The following CORO1C variants were observed in gnomAD, a reference collection of about 807,000 sequenced individuals.
CORO1C encodes the protein coronin 1C.
Under a neutral mutation model 51.2 loss-of-function variants are expected in CORO1C, and 14 were observed. The ratio of observed to expected loss-of-function variants is 0.27; its 90% CI spans 0.18 to 0.43. The LOEUF is 0.43. Ranked by LOEUF, CORO1C falls within the 20% of genes least tolerant of loss-of-function variation. The pLI, the probability that CORO1C is intolerant of heterozygous loss-of-function variation, is 1.00. For synonymous variants in CORO1C, 181 were observed against 210.5 expected (o/e 0.86, Z 1.21); for missense variants, 417 against 607.8 (o/e 0.69, Z 3.30).
At chr12:108,710,075 T>C (rs368607467) in intron 1 of CORO1C, among the ~76,000 whole-genome samples, 1 of 152,240 alleles carries the variant, frequency 6.6e-6, no homozygotes, top group African/African-American at 2.4e-5. Flanking sequence ...CTTACTTGTC[T>C]TTTTAAGATG....
rs75792705 is a variant in CORO1C, at chr12:108,709,637, C to A, written c.-5-8314G>T. Among the ~76,000 whole-genome samples the A allele has an allele frequency of 5.7e-3, 874 of 152,156 alleles. 13 individuals are homozygous for A. Among genetic ancestry groups the A allele is most frequent in the African/African-American group, 0.02 (826 of 41,508 alleles). ...GGAGTTCTGTTATCAGCTATATTGT[C>A]CCAAACTGATCAAATCATAAATTAG... is the stretch of plus-strand genomic sequence containing the variant. On this transcript the variant is annotated intron_variant, in intron 1 of 10. Transcript: ENST00000261401.
At chr12:108,678,101 G>A (rs921012924) in intron 3 of CORO1C, among the ~76,000 whole-genome samples, 171 bp downstream of exon 3, 2 of 152,116 alleles carry the variant, frequency 1.3e-5, no homozygotes, top group Non-Finnish European at 2.9e-5. Context: ...AGGATTATCT[G>A]TAATTAAACT....
chr12:108,726,807 G>A (rs558071395), intron 1 of CORO1C, among the ~76,000 whole-genome samples: 9 of 152,244 alleles, frequency 5.9e-5, no homozygotes, highest in African/African-American at 1.9e-4. Flanking sequence ...AATCGTGTTC[G>A]CTGGCCATCT....
At chr12:108,709,559 T>C (rs565542536) in intron 1 of CORO1C, among the ~76,000 whole-genome samples, 1 of 152,314 alleles carries the variant, frequency 6.6e-6, no homozygotes, top group South Asian at 2.1e-4. Context: ...TTTACCACTT[T>C]AAAAACTGTT....
chr12:108,693,379 C>A (rs1011880524), intron 2 of CORO1C, among the ~76,000 whole-genome samples: 29 of 152,252 alleles, frequency 1.9e-4, no homozygotes, highest in African/African-American at 6.3e-4. Context: ...AGTCTCATTT[C>A]CATCAACGTG....
intron 1 of CORO1C, among the ~76,000 whole-genome samples, chr12:108,712,912 T>TA (rs2035223975): frequency 1.7e-5 from 1 of 58,264 alleles, no homozygotes; most frequent in South Asian, 7.5e-4. Context: ...TCATGTCTCT[T>TA]TAAAAAAAAA....
Position 108,678,308 on chromosome 12 carries a change from C to G in CORO1C, c.282G>C (p.Gln94His). The G allele has an allele frequency of 6.2e-7, 1 of 1,613,398 alleles. No homozygotes were observed. Among genetic ancestry groups the G allele is most frequent in the South Asian group, 1.1e-5 (1 of 90,948 alleles). ...AGTCCTCTGAACCGCTGGCAATGAC[C>G]TGATCGTTATGTGGGCACCAGTCTA... Reference protein sequence around the residue: ...LDIDWCPHNDQVIASGSEDCT... With the variant: ...LDIDWCPHNDHVIASGSEDCT... The change falls in exon 3 of 11, where the codon CAG becomes CAC. Residue 94 changes from glutamine to histidine, a missense_variant. Gln to His is a conservative substitution (Grantham distance 24). Coordinates refer to ENST00000261401, the MANE Select transcript of CORO1C (RefSeq NM_014325.4).
intron 2 of CORO1C, among the ~76,000 whole-genome samples, chr12:108,692,989 G>A (rs1049004543): frequency 2.0e-5 from 3 of 151,758 alleles, no homozygotes; most frequent in African/African-American, 7.3e-5. Flanking sequence ...GTAGAGACAG[G>A]GTTTCACCAT....
intron 1 of CORO1C, chr12:108,702,843 T>G (rs2034917117): frequency 6.5e-7 from 1 of 1,535,394 alleles, no homozygotes; most frequent in South Asian, 1.2e-5. Context: ...GCTGGGGGCA[T>G]GTAGCCGGGC....
intron 3 of CORO1C, chr12:108,668,313 T>C (rs1459844487): frequency 6.6e-6 from 1 of 152,124 alleles, no homozygotes; most frequent in African/African-American, 2.4e-5. Flanking sequence ...TCTGCCAGGG[T>C]TATAATATCC....
intron 7 of CORO1C, chr12:108,653,197 A>G (rs1304497683): frequency 6.6e-6 from 1 of 152,230 alleles, no homozygotes; most frequent in Non-Finnish European, 1.5e-5. Flanking sequence ...GCAATGGAAA[A>G]GAAGCTAAAC....
intron 1 of CORO1C, among the ~76,000 whole-genome samples, chr12:108,720,207 C>T (rs746775572): frequency 1.6e-4 from 24 of 152,164 alleles, no homozygotes; most frequent in Middle Eastern, 6.8e-3. Context: ...CAGACACACA[C>T]ACACGCACAC....
At chr12:108,730,341 C>A in intron 1 of CORO1C, 1 of 152,322 alleles carries the variant, frequency 6.6e-6, no homozygotes. Flanking sequence ...TGAACACTCC[C>A]AAAAAAGGAT....
In CORO1C at chr12:108,658,834, G is replaced by A. The variant is rs148246664; in HGVS notation, c.534C>T (p.Tyr178=). The A allele has an allele frequency of 1.2e-6, 2 of 1,613,940 alleles. No individual in the cohort carries two copies. Among genetic ancestry groups the A allele is most frequent in the South Asian group, 2.2e-5 (2 of 91,058 alleles). Residue 178 remains tyrosine, a synonymous_variant, in exon 5 of 11, where the codon TAC becomes TAT. Transcript: ENST00000261401. This position sits in a 1 kb window ranked among gnomAD's most constrained non-coding sequence, Gnocchi z 4.9. The part of the protein sequence containing the change: ...NLDDMHSDMI[Y]NVSWNRNGSL... ...TGCCATTCCGGTTCCAGCTCACATT[G>A]TAAATCATGTCTGAATGCATATCGT...
chr12:108,671,570 A>G (rs2033721765), intron 3 of CORO1C, among the ~76,000 whole-genome samples: 1 of 152,112 alleles, frequency 6.6e-6, no homozygotes, highest in Non-Finnish European at 1.5e-5. Context: ...CAGAATGACC[A>G]ACAATCTTCT....
intron 2 of CORO1C, among the ~76,000 whole-genome samples, chr12:108,687,601 A>G (rs1048097831): frequency 4.6e-5 from 7 of 152,052 alleles, no homozygotes; most frequent in African/African-American, 1.2e-4. Flanking sequence ...CCTGGCCAAC[A>G]TGATGAAACT....
intron 1 of CORO1C, among the ~76,000 whole-genome samples, chr12:108,720,457 T>C (rs916416982): frequency 6.6e-6 from 1 of 152,222 alleles, no homozygotes; most frequent in East Asian, 1.9e-4. Flanking sequence ...TTTACACATA[T>C]AAACATCTTG....
At chr12:108,677,460 G>A (rs1272317670) in intron 3 of CORO1C, among the ~76,000 whole-genome samples, 1 of 152,100 alleles carries the variant, frequency 6.6e-6, no homozygotes, top group Non-Finnish European at 1.5e-5. Flanking sequence ...TCTTAACCAG[G>A]GTCCACTGGA....
chr12:108,686,113 G>C (rs920006013), intron 2 of CORO1C, among the ~76,000 whole-genome samples: 1 of 152,166 alleles, frequency 6.6e-6, no homozygotes, highest in Non-Finnish European at 1.5e-5. Context: ...GTAAAGATGA[G>C]GAAACATCAT....
Sources: allele counts gnomAD v4.1 joint callset (sites outside exome capture counted in the v4.1 genomes callset), GRCh38; gene constraint gnomAD v4.1.1; non-coding constraint Gnocchi (gnomAD v3.1); transcripts MANE v1.5; gene names NCBI Gene and HGNC (gene_info 2026-07-23, HGNC 2026-07-21).